TSBP1: variants seen among roughly 807,000 people sequenced by gnomAD.
The protein encoded by TSBP1 is testis-expressed basic protein 1.
In TSBP1, 56 loss-of-function variants were observed where a neutral mutation model predicts 68.8. The observed-to-expected ratio is 0.81, with a 90% CI of 0.66 to 1.02. TSBP1 has a LOEUF of 1.02. TSBP1 is among the 50% of genes least tolerant of loss of function. The pLI is 0.00. For synonymous variants in TSBP1, 171 were observed against 208.7 expected, an observed-to-expected ratio of 0.82 and a Z score of 1.56; for missense variants, 502 against 641.2, an observed-to-expected ratio of 0.78 and a Z score of 2.34.
At chr6:32,323,603 A>C (rs924497973) in exon 17 of TSBP1, 9 of 1,612,320 alleles carry the variant, frequency 5.6e-6, no homozygotes, top group Admixed American at 1.7e-5. Context: ...CGGGGTGCTG[A>C]AGGTGGACCA....
intron 20 of TSBP1, among the ~76,000 whole-genome samples, chr6:32,301,175 C>T (rs896535139): frequency 3.9e-5 from 6 of 151,938 alleles, no homozygotes; most frequent in African/African-American, 7.3e-5. Flanking sequence ...ACTACAGGTG[C>T]GTGCTACCAC....
In TSBP1 at chr6:32,361,614, T is replaced by C. The variant is rs955771138; in HGVS notation, c.217+4553A>G. ...TCTCACTGTGGTTTTGATTTGCATTTCTCTGATGGCCAGTGATGATGAGTA... is the reference window on the plus strand; with the variant it reads ...TCTCACTGTGGTTTTGATTTGCATTCCTCTGATGGCCAGTGATGATGAGTA... On this transcript the variant is annotated intron_variant, in intron 6 of 22. Transcript: ENST00000612031. This position sits in a 1 kb window ranked among gnomAD's most constrained non-coding sequence, Gnocchi z 4.3. 6.6e-6 allele frequency among the ~76,000 whole-genome samples: 1 copy of C among 152,194 alleles called. No individual in the cohort carries two copies. Among genetic ancestry groups the C allele is most frequent in the African/African-American group, 2.4e-5 (1 of 41,460 alleles).
rs1168308642 is a variant in TSBP1, at chr6:32,315,143, A to C, written c.580+629T>G. 2.0e-5 allele frequency among the ~76,000 whole-genome samples: 3 copies of C among 152,202 alleles called. No individual in the cohort carries two copies. Among genetic ancestry groups the C allele is most frequent in the Non-Finnish European group, 4.4e-5 (3 of 68,036 alleles). Reference sequence around the variant, plus strand: ...TGAGAACCAGATTTGCATTTTGGAAAACTAGGACACAGTGTGAAAGGTGCT... The same window carrying C: ...TGAGAACCAGATTTGCATTTTGGAACACTAGGACACAGTGTGAAAGGTGCT... On this transcript the variant is annotated intron_variant, in intron 19 of 22. Transcript: ENST00000612031. The surrounding 1 kb of genome is among the most constrained non-coding windows in gnomAD (Gnocchi z 5.4).
intron 8 of TSBP1, chr6:32,352,903 A>G (rs1434659670): frequency 6.6e-6 from 1 of 152,064 alleles, no homozygotes; most frequent in Non-Finnish European, 1.5e-5. Context: ...CATATATACT[A>G]AAATTGGAAT....
chr6:32,293,130 CTTT>C, exon 23 of TSBP1: 1 of 1,597,670 alleles, frequency 6.3e-7, no homozygotes, highest in Non-Finnish European at 8.6e-7. Flanking sequence ...TCACCTTTTT[CTTT>C]TTTATTTGGA....
chr6:32,366,237 C>T, intron 5 of TSBP1, 36 bp downstream of exon 5: 2 of 1,591,634 alleles, frequency 1.3e-6, no homozygotes, highest in Non-Finnish European at 1.7e-6. Flanking sequence ...CATAAACAGA[C>T]TCCTATATTA....
chr6:32,316,302 A>G lies in TSBP1; in HGVS notation c.560-510T>C, dbSNP rs1439550709. The stretch of plus-strand genomic sequence containing the variant: ...AGACCATGTAGGGTAATAAGGAAGC[A>G]AGGGAATAATGGGAACCACAAATCA... On this transcript the variant is annotated intron_variant, in intron 18 of 22. Coordinates refer to ENST00000612031, the Ensembl canonical transcript of TSBP1. This position sits in a 1 kb window ranked among gnomAD's most constrained non-coding sequence, Gnocchi z 4.5. The G allele has an allele frequency of 9.8e-7, 1 of 1,020,578 alleles. No individual in the cohort carries two copies. Among genetic ancestry groups the G allele is most frequent in the African/African-American group, 1.6e-5 (1 of 61,718 alleles). 63.2% of individuals were successfully genotyped at this position (1,020,578 alleles called of 1,614,324 possible).
intron 15 of TSBP1, among the ~76,000 whole-genome samples, chr6:32,331,257 T>C (rs548699012): frequency 6.6e-6 from 1 of 152,310 alleles, no homozygotes; most frequent in Admixed American, 6.5e-5. Flanking sequence ...TCAGCTATCT[T>C]TATGTTCTTG....
exon 23 of TSBP1, chr6:32,293,336 C>T (rs1412675033): frequency 6.2e-7 from 1 of 1,612,880 alleles, no homozygotes; most frequent in Non-Finnish European, 8.5e-7. Flanking sequence ...ACCTGCCTCA[C>T]TCTTCTTTTC....
intron 18 of TSBP1, chr6:32,320,034 A>G (rs998285777): frequency 9.9e-6 from 4 of 404,846 alleles, no homozygotes; most frequent in African/African-American, 6.3e-5. Flanking sequence ...GAATTCTCCA[A>G]TTTGTTGGGG....
At chr6:32,300,057 T>C in intron 21 of TSBP1, 121 bp from the exon 25 acceptor site, 1 of 747,394 alleles carries the variant, frequency 1.3e-6, no homozygotes, top group East Asian at 3.1e-5. Context: ...CACAAAACTC[T>C]GTTTCATCCT....
intron 18 of TSBP1, among the ~76,000 whole-genome samples, chr6:32,317,040 T>G (rs1767032277): frequency 6.6e-6 from 1 of 152,124 alleles, no homozygotes; most frequent in African/African-American, 2.4e-5. Context: ...TAATTTAACA[T>G]GATTAGAAAA....
intron 8 of TSBP1, among the ~76,000 whole-genome samples, chr6:32,350,343 C>T (rs139265273): frequency 6.6e-6 from 1 of 152,214 alleles, no homozygotes; most frequent in Non-Finnish European, 1.5e-5. Flanking sequence ...TATTTAGAAC[C>T]TCGGGGCTTA....
intron 9 of TSBP1, among the ~76,000 whole-genome samples, chr6:32,345,430 T>C (rs1325749469): frequency 1.3e-5 from 2 of 152,116 alleles, no homozygotes; most frequent in Non-Finnish European, 1.5e-5. Context: ...AAGGGGACCC[T>C]TGATTAGGTC....
Position 32,336,577 on chromosome 6 carries a change from C to CA in TSBP1, c.430+37dup. 1.3e-6 allele frequency: 2 copies of CA among 1,584,144 alleles called. No homozygotes were observed. Among genetic ancestry groups the CA allele is most frequent in the Non-Finnish European group, 1.7e-6 (2 of 1,153,964 alleles). ...CCCCAAGACCTTGTAGGTCAGATAT[C>CA]AAAGGGACCAGAGTGGAAAAACAAA... is the stretch of plus-strand genomic sequence containing the variant. On this transcript the variant is annotated intron_variant, in intron 12 of 22. Transcript: ENST00000612031. This position sits in a 1 kb window ranked among gnomAD's most constrained non-coding sequence, Gnocchi z 5.2.
At position 32,364,143 on chromosome 6, in the gene TSBP1, A is replaced by T. The variant is rs1349089631; in HGVS notation, c.217+2024T>A. ...TTAAATGTGATATGCTTCTTTCAAG[A>T]TTCTCTCTTTAACTTTGATTATTGA... On this transcript the variant is annotated intron_variant, in intron 6 of 22. Coordinates refer to ENST00000612031, the Ensembl canonical transcript of TSBP1. Among the ~76,000 whole-genome samples the T allele has an allele frequency of 5.3e-5, 8 of 152,246 alleles. No individual in the cohort carries two copies. In the East Asian group the frequency reaches 1.5e-3, roughly 29 times the overall value.
chr6:32,325,600 T>C lies in TSBP1; in HGVS notation c.515-1986A>G. On this transcript the variant is annotated intron_variant, in intron 16 of 22. Transcript: ENST00000612031. This position sits in a 1 kb window ranked among gnomAD's most constrained non-coding sequence, Gnocchi z 4.4. ...ACCTAAGAAATTATTTTGAGTAGTA[T>C]GGAAAAATTGAAGTGATTGAAAACA... The C allele has an allele frequency of 1.1e-6, 1 of 936,888 alleles. No homozygotes were observed. Among genetic ancestry groups the C allele is most frequent in the Admixed American group, 1.7e-5 (1 of 59,056 alleles). The allele number at this position is 936,888 out of a possible 1,614,324, so 58.0% of individuals were successfully genotyped here.
At chr6:32,309,203 GC>G (rs1242811600) in intron 19 of TSBP1, among the ~76,000 whole-genome samples, 1 of 151,934 alleles carries the variant, frequency 6.6e-6, no homozygotes, top group African/African-American at 2.4e-5. Context: ...ACCTGCCCTG[GC>G]CTCCCAAAGT....
intron 8 of TSBP1, 131 bp downstream of exon 8, chr6:32,354,993 G>A (rs1772121357): frequency 1.6e-6 from 1 of 641,852 alleles, no homozygotes; most frequent in Non-Finnish European, 2.7e-6. Context: ...CACATCTAAG[G>A]TGTGATATAC....
Sources: allele counts gnomAD v4.1 joint callset (sites outside exome capture counted in the v4.1 genomes callset), GRCh38; gene constraint gnomAD v4.1.1; non-coding constraint Gnocchi (gnomAD v3.1); transcripts MANE v1.5; gene names NCBI Gene and HGNC (gene_info 2026-07-23, HGNC 2026-07-21).